The following COL28A1 variants were observed in gnomAD, a reference collection of about 807,000 sequenced individuals.
The protein encoded by COL28A1 is collagen type XXVIII alpha 1 chain, also known as collagen alpha-1(XXVIII) chain.
A neutral mutation model predicts 150.2 loss-of-function variants in COL28A1; 161 were observed. The ratio of observed to expected loss-of-function variants is 1.07; its 90% confidence interval spans 0.94 to 1.22. The LOEUF (loss-of-function observed/expected upper bound fraction) is 1.22. COL28A1 is among the 50% of genes most tolerant of loss of function. COL28A1 has a pLI of 0.00. For missense variants in COL28A1, 1,617 were observed against 1,388.3 expected, an observed-to-expected ratio of 1.16 and a Z score of -2.62; for synonymous variants, 552 against 469.7, an observed-to-expected ratio of 1.18 and a Z score of -2.26.
rs755821766 is a variant in COL28A1 at position 7,507,113 on chromosome 7, T to G, written c.972+4A>C. Reference sequence around the variant, plus strand: ...AAACTTAGATTTGGTTTTAACCCCCTTACCTGAATTCCTCTGGGTCCCTTT... The same window carrying G: ...AAACTTAGATTTGGTTTTAACCCCCGTACCTGAATTCCTCTGGGTCCCTTT... On this transcript the variant is annotated splice_donor_region_variant and intron_variant, in intron 10 of 34. Coordinates refer to ENST00000399429, the MANE Select transcript of COL28A1 (RefSeq NM_001037763.3). 6.6e-6 allele frequency: 8 copies of G among 1,214,928 alleles called. No homozygotes were observed. The Admixed American group carries it at 1.4e-4, about 21-fold the overall frequency. 75.3% of individuals were successfully genotyped at this position (1,214,928 alleles called of 1,614,324 possible).
intron 20 of COL28A1, 34 bp downstream of exon 20, chr7:7,443,551 C>A: frequency 4.3e-6 from 7 of 1,613,012 alleles, no homozygotes; most frequent in Non-Finnish European, 5.1e-6. Context: ...GACCAGAACA[C>A]AGGCTGCTTC....
chr7:7,352,852 G>C (rs989547746), downstream of COL28A1, among the ~76,000 whole-genome samples: 2 of 152,218 alleles, frequency 1.3e-5, no homozygotes, highest in African/African-American at 4.8e-5. Context: ...AAGTAGCTCA[G>C]CCTGACGTCA....
Position 7,517,838 on chromosome 7 carries a change from C to T in COL28A1, c.814-1G>A. ...CAGCTTCTCCTTTTTGAGCGTTGCC[C>T]TGTGACAAACAAAAAACAGTAAAAA... On this transcript the variant is annotated splice_acceptor_variant, in intron 6 of 34. Transcript: ENST00000399429. LOFTEE classifies it high-confidence loss of function. 2 of 1,613,690 alleles carry T rather than the reference C, an allele frequency of 1.2e-6. No individual in the cohort carries two copies. Among genetic ancestry groups the T allele is most frequent in the African/African-American group, 2.7e-5 (2 of 74,996 alleles).
intron 3 of COL28A1, among the ~76,000 whole-genome samples, chr7:7,526,012 A>C (rs1324847135): frequency 6.6e-6 from 1 of 152,222 alleles, no homozygotes; most frequent in Non-Finnish European, 1.5e-5. Context: ...CAGATGAGAT[A>C]TTTGTATCTT....
intron 10 of COL28A1, among the ~76,000 whole-genome samples, chr7:7,506,781 T>C (rs1417520212): frequency 2.0e-5 from 3 of 152,206 alleles, no homozygotes; most frequent in Non-Finnish European, 2.9e-5. Context: ...ATAGTAGCAG[T>C]GCAAAAATAG....
In COL28A1 at chr7:7,436,442, TC is replaced by T; in HGVS notation, c.1812del (p.Ile605TyrfsTer79). On this transcript the variant is annotated frameshift_variant, in exon 23 of 35. Transcript: ENST00000399429. LOFTEE classifies it high-confidence loss of function. The stretch of plus-strand genomic sequence containing the variant: ...CCAGGTTCTCCCTTAAATCCAGGTA[TC>T]CCAGGTCCTCCTCTATCTCCCTGTA... ...PGPKGDRGGP[G>X]IPGFKGEPGL... 3 of 1,397,598 alleles carry T rather than the reference TC, an allele frequency of 2.1e-6. No individual in the cohort carries two copies. The highest frequency in any genetic ancestry group is 3.1e-6 in the Non-Finnish European group (3 of 982,442). 86.6% of individuals were successfully genotyped at this position (1,397,598 alleles called of 1,614,324 possible).
chr7:7,489,799 C>T (rs1030525467), intron 12 of COL28A1, among the ~76,000 whole-genome samples: 4 of 152,142 alleles, frequency 2.6e-5, no homozygotes, highest in Non-Finnish European at 5.9e-5. Flanking sequence ...CTCTTGCCAC[C>T]ATCCAGGAAT....
At chr7:7,383,146 C>T (rs917685443) in intron 27 of COL28A1, among the ~76,000 whole-genome samples, 6 of 152,136 alleles carry the variant, frequency 3.9e-5, no homozygotes, top group African/African-American at 1.4e-4. Flanking sequence ...ATCCCCAATC[C>T]TATTTCTCTG....
At chr7:7,491,065 T>A (rs6971117) in intron 11 of COL28A1, among the ~76,000 whole-genome samples, 6 of 152,184 alleles carry the variant, frequency 3.9e-5, no homozygotes, top group African/African-American at 1.2e-4. Context: ...ACTCATTCAT[T>A]CACAAATCTT....
chr7:7,428,626 G>A (rs1433902468), intron 25 of COL28A1, among the ~76,000 whole-genome samples: 1 of 152,188 alleles, frequency 6.6e-6, no homozygotes, highest in Admixed American at 6.5e-5. Context: ...GAGAAGAAAA[G>A]CAGGCTGTGA....
intron 5 of COL28A1, among the ~76,000 whole-genome samples, chr7:7,520,907 T>G (rs1201139769): frequency 1.3e-5 from 2 of 152,236 alleles, no homozygotes; most frequent in African/African-American, 4.8e-5. Context: ...AGTCAGCTTC[T>G]ACTGGCTGCC....
At chr7:7,534,973 T>G (rs763862574) in intron 1 of COL28A1, among the ~76,000 whole-genome samples, 32 of 152,138 alleles carry the variant, frequency 2.1e-4, no homozygotes, top group Non-Finnish European at 1.6e-4. Flanking sequence ...TGAAATATCT[T>G]TCTCGTTTAT....
At chr7:7,339,841 G>C in the COL28A1 span, among the ~76,000 whole-genome samples, 2 of 152,034 alleles carry the variant, frequency 1.3e-5, no homozygotes, top group Non-Finnish European at 2.9e-5. Flanking sequence ...GATAAAATTA[G>C]GTAGACTTTT....
intron 13 of COL28A1, among the ~76,000 whole-genome samples, chr7:7,487,248 A>G (rs1779675928): frequency 6.6e-6 from 1 of 152,204 alleles, no homozygotes; most frequent in Non-Finnish European, 1.5e-5. Context: ...GCAAAGCACA[A>G]AGTTCTTTGG....
At chr7:7,423,933 G>A (rs1011544952) in intron 25 of COL28A1, among the ~76,000 whole-genome samples, 3 of 152,130 alleles carry the variant, frequency 2.0e-5, no homozygotes, top group Non-Finnish European at 2.9e-5. Flanking sequence ...TCTCTGTCCC[G>A]CAGCCTCAGC....
At chr7:7,423,092 T>C (rs1028455084) in intron 25 of COL28A1, among the ~76,000 whole-genome samples, 3 of 152,238 alleles carry the variant, frequency 2.0e-5, no homozygotes, top group Non-Finnish European at 4.4e-5. Context: ...ATTGTTCATT[T>C]GTTTTAGGTT....
intron 18 of COL28A1, among the ~76,000 whole-genome samples, chr7:7,446,459 C>T (rs1786265329): frequency 6.6e-6 from 1 of 152,108 alleles, no homozygotes; most frequent in African/African-American, 2.4e-5. Flanking sequence ...TTAAAAGTCT[C>T]TACTTTCTCT....
chr7:7,374,062 C>T (rs866717389), intron 31 of COL28A1, among the ~76,000 whole-genome samples: 51 of 111,710 alleles, frequency 4.6e-4, no homozygotes, highest in African/African-American at 1.6e-3. Context: ...TATATATATA[C>T]TTGGAAAAAC....
At chr7:7,409,496 A>G (rs1783667038) in intron 27 of COL28A1, among the ~76,000 whole-genome samples, 1 of 152,194 alleles carries the variant, frequency 6.6e-6, no homozygotes, top group African/African-American at 2.4e-5. Context: ...CATGTGTACC[A>G]TAATTATAAA....
Sources: gnomAD v4.1 joint callset for allele counts (sites outside exome capture counted in the v4.1 genomes callset) on GRCh38, gnomAD v4.1.1 for gene constraint, MANE v1.5 for transcripts, NCBI Gene and HGNC (gene_info 2026-07-23, HGNC 2026-07-21) for gene names.